PHF2: variants seen among roughly 807,000 people sequenced by gnomAD.
The protein encoded by PHF2 is lysine-specific demethylase PHF2.
A neutral mutation model predicts 120.5 loss-of-function variants in PHF2; 27 were observed. The observed-to-expected ratio is 0.22, with a 90% confidence interval of 0.17 to 0.31. The LOEUF (loss-of-function observed/expected upper bound fraction) is 0.31, where lower values mean the gene tolerates loss of function less well. Ranked by LOEUF, PHF2 falls within the 10% of genes least tolerant of loss-of-function variation. The probability of loss-of-function intolerance (pLI) is 1.00; values close to 1 mark genes in which losing one functional copy is unlikely to be tolerated. For missense variants in PHF2, 1,024 were observed against 1,434.8 expected, an observed-to-expected ratio of 0.71 and a Z score of 4.63; for synonymous variants, 568 against 592.5, an observed-to-expected ratio of 0.96 and a Z score of 0.60.
At chr9:93,586,190 G>A (rs1161650062) in intron 1 of PHF2, among the ~76,000 whole-genome samples, 2 of 152,238 alleles carry the variant, frequency 1.3e-5, no homozygotes, top group East Asian at 3.9e-4. Flanking sequence ...GCATGAAGCA[G>A]CACACACAGG....
At chr9:93,649,715 C>A (rs917607930) in intron 5 of PHF2, among the ~76,000 whole-genome samples, 2 of 151,770 alleles carry the variant, frequency 1.3e-5, no homozygotes, top group Non-Finnish European at 2.9e-5. Context: ...CATGGACACT[C>A]CAATGCATGA....
At chr9:93,661,432 T>G (rs1299070426) in intron 12 of PHF2, among the ~76,000 whole-genome samples, 1 of 152,170 alleles carries the variant, frequency 6.6e-6, no homozygotes, top group African/African-American at 2.4e-5. Context: ...GGTGGATGAA[T>G]GGATGGATGA....
intron 2 of PHF2, 104 bp from the exon 3 acceptor site, chr9:93,636,305 CTG>C: frequency 1.3e-6 from 1 of 784,418 alleles, no homozygotes; most frequent in South Asian, 1.6e-5. Flanking sequence ...CCCAGCAATG[CTG>C]GGAGTTGTTA....
intron 1 of PHF2, among the ~76,000 whole-genome samples, chr9:93,619,447 T>C (rs1392922939): frequency 6.6e-6 from 1 of 152,216 alleles, no homozygotes; most frequent in African/African-American, 2.4e-5. Context: ...GCATTCCAAG[T>C]GTCCTCAGGG....
intron 1 of PHF2, among the ~76,000 whole-genome samples, chr9:93,618,111 C>T (rs1825756867): frequency 6.6e-6 from 1 of 152,246 alleles, no homozygotes. Flanking sequence ...GGGCTTTGGG[C>T]ACTAAATTAG....
chr9:93,609,183 G>C (rs956345998), intron 1 of PHF2, among the ~76,000 whole-genome samples: 2 of 151,614 alleles, frequency 1.3e-5, no homozygotes, highest in African/African-American at 2.4e-5. Context: ...GCAAGAAATA[G>C]TATTCCTAAT....
intron 10 of PHF2, among the ~76,000 whole-genome samples, chr9:93,658,473 A>G (rs1365357310): frequency 1.3e-5 from 2 of 152,078 alleles, no homozygotes; most frequent in African/African-American, 4.8e-5. Flanking sequence ...GGGAGGACAG[A>G]TGTAGATGCA....
At chr9:93,591,168 AC>A (rs1473946249) in intron 1 of PHF2, among the ~76,000 whole-genome samples, 2 of 151,970 alleles carry the variant, frequency 1.3e-5, no homozygotes, top group Non-Finnish European at 1.5e-5. Flanking sequence ...AGGTCCCAGC[AC>A]CCCTCTCCCC....
chr9:93,615,196 A>T (rs1195976416), intron 1 of PHF2, among the ~76,000 whole-genome samples: 2 of 138,822 alleles, frequency 1.4e-5, no homozygotes, highest in Non-Finnish European at 3.2e-5. Context: ...GGCGATGGTG[A>T]TGATGATGGT....
chr9:93,598,998 G>A (rs1234935501), intron 1 of PHF2, among the ~76,000 whole-genome samples: 1 of 152,142 alleles, frequency 6.6e-6, no homozygotes, highest in Non-Finnish European at 1.5e-5. Flanking sequence ...TGTACTGTGC[G>A]TGCCTCTCAG....
intron 16 of PHF2, among the ~76,000 whole-genome samples, chr9:93,666,729 G>T (rs1021105317): frequency 2.0e-5 from 3 of 152,142 alleles, no homozygotes; most frequent in Non-Finnish European, 4.4e-5. Flanking sequence ...AGGAGATTGA[G>T]ACCATCCTGG....
At chr9:93,664,242 G>T (rs567961348) in intron 14 of PHF2, among the ~76,000 whole-genome samples, 30 of 152,292 alleles carry the variant, frequency 2.0e-4, no homozygotes, top group African/African-American at 7.2e-4. Context: ...TGGGAGTCAG[G>T]AGGGCCTCCT....
chr9:93,669,181 T>A (rs949382433), intron 17 of PHF2, among the ~76,000 whole-genome samples: 1 of 152,208 alleles, frequency 6.6e-6, no homozygotes. Context: ...TCGTAGTGGG[T>A]GTCCCTGGCC....
chr9:93,642,134 C>T (rs1356125064), intron 3 of PHF2, among the ~76,000 whole-genome samples: 3 of 152,154 alleles, frequency 2.0e-5, no homozygotes, highest in African/African-American at 7.2e-5. Flanking sequence ...TATTCCATTC[C>T]TCTGTATATC....
At chr9:93,665,174 T>A (rs1461579440) in intron 14 of PHF2, among the ~76,000 whole-genome samples, 3 of 152,200 alleles carry the variant, frequency 2.0e-5, no homozygotes. Flanking sequence ...CTGAGTTTAT[T>A]TTTCCAACAT....
intron 2 of PHF2, among the ~76,000 whole-genome samples, chr9:93,634,639 T>C (rs1245941660): frequency 2.6e-5 from 4 of 152,186 alleles, no homozygotes; most frequent in African/African-American, 4.8e-5. Flanking sequence ...TCTCTGTTGA[T>C]AGTTATGAAG....
At chr9:93,586,156 C>G (rs117304119) in intron 1 of PHF2, among the ~76,000 whole-genome samples, 1 of 152,184 alleles carries the variant, frequency 6.6e-6, no homozygotes, top group Admixed American at 6.5e-5. Flanking sequence ...TCACTGAACC[C>G]GGGGAGAGGG....
At chr9:93,589,375 T>C (rs1448714285) in intron 1 of PHF2, among the ~76,000 whole-genome samples, 1 of 152,176 alleles carries the variant, frequency 6.6e-6, no homozygotes, top group East Asian at 1.9e-4. Flanking sequence ...GAATTCTTTG[T>C]GTAGGGGCTT....
In PHF2 at chr9:93,601,586, C is replaced by T. The variant is rs550179596; in HGVS notation, c.98+24715C>T. Among the ~76,000 whole-genome samples, 142 of 152,060 alleles carry T rather than the reference C, an allele frequency of 9.3e-4. 1 individual carries two copies. Among genetic ancestry groups the T allele is most frequent in the African/African-American group, 3.0e-3 (125 of 41,484 alleles). ...GTGTGGTTGGCAGGATGGTTGGCAC[C>T]CCCAGGCTGGCCCACTGCTGCGAGG... On this transcript the variant is annotated intron_variant, in intron 1 of 21. Coordinates refer to ENST00000359246, the MANE Select transcript of PHF2 (RefSeq NM_005392.4).
Sources: allele counts gnomAD v4.1 joint callset (sites outside exome capture counted in the v4.1 genomes callset), GRCh38; gene constraint gnomAD v4.1.1; transcripts MANE v1.5; gene names NCBI Gene and HGNC (gene_info 2026-07-23, HGNC 2026-07-21).